KIF26B: variants seen among roughly 807,000 people sequenced by gnomAD.
KIF26B encodes the protein kinesin-like protein KIF26B.
A neutral mutation model predicts 151.2 loss-of-function variants in KIF26B; 63 were observed. That is an observed-to-expected ratio of 0.42 (90% CI 0.34 to 0.51). The LOEUF is 0.51. Among genes scored for constraint, KIF26B ranks in the 20% least tolerant of loss-of-function variants. KIF26B has a pLI of 0.07. For synonymous variants in KIF26B, 1,357 were observed against 1,262.1 expected (o/e 1.08, Z -1.59); for missense variants, 2,813 against 2,913.6 (o/e 0.97, Z 0.79).
chr1:245,705,018 G>A lies in KIF26B; in HGVS notation c.*2412G>A, dbSNP rs1433714581. 6.6e-6 allele frequency: 1 copy of A among 152,256 alleles called. No homozygotes were observed. The highest frequency in any genetic ancestry group is 1.9e-4 in the East Asian group (1 of 5,204). 9.4% of individuals were successfully genotyped at this position (152,256 alleles called of 1,614,324 possible). On this transcript the variant is annotated 3_prime_UTR_variant, in exon 15 of 15. Transcript: ENST00000407071. ...CTGCCTTCCTTTAGCCAGTGACAGA[G>A]CCTGGTGCCCTTCCTGGACTGAAAC...
At chr1:245,369,507 T>G (rs1673055283) in intron 3 of KIF26B, among the ~76,000 whole-genome samples, 1 of 152,244 alleles carries the variant, frequency 6.6e-6, no homozygotes, top group South Asian at 2.1e-4. Flanking sequence ...TTCACTTAAC[T>G]GGGTGCTTTC....
In KIF26B at chr1:245,564,326, C is replaced by A. The variant is rs570519030; in HGVS notation, c.1350+23376C>A. On this transcript the variant is annotated intron_variant, in intron 5 of 14. Coordinates refer to ENST00000407071, the MANE Select transcript of KIF26B (RefSeq NM_018012.4). This position sits in a 1 kb window ranked among gnomAD's most constrained non-coding sequence, Gnocchi z 4.6. ...CTCTTCAGTTTGTTCCTATCTCTGC[C>A]GGGATCTATATGTTCTGGACTCTCT... 5.9e-5 allele frequency among the ~76,000 whole-genome samples: 9 copies of A among 152,126 alleles called. No individual in the cohort carries two copies. Among genetic ancestry groups the A allele is most frequent in the Non-Finnish European group, 1.3e-4 (9 of 68,026 alleles).
At chr1:245,188,235 G>A (rs756956729) in intron 2 of KIF26B, among the ~76,000 whole-genome samples, 10 of 127,878 alleles carry the variant, frequency 7.8e-5, no homozygotes, top group Admixed American at 7.1e-4. Context: ...AGCCTGGATC[G>A]CACCATTGCA....
chr1:245,225,555 T>G (rs999642954), intron 2 of KIF26B, among the ~76,000 whole-genome samples: 1 of 152,034 alleles, frequency 6.6e-6, no homozygotes, highest in Non-Finnish European at 1.5e-5. Flanking sequence ...CTGTTGGGAG[T>G]CAGTGACTCC....
chr1:245,680,796 G>C (rs553752960), intron 10 of KIF26B, among the ~76,000 whole-genome samples: 19 of 152,348 alleles, frequency 1.2e-4, no homozygotes, highest in South Asian at 4.1e-4. Context: ...GGGCAGAGGG[G>C]TGAAGATACT....
At chr1:245,190,194 A>G (rs1166535172) in intron 2 of KIF26B, among the ~76,000 whole-genome samples, 1 of 152,158 alleles carries the variant, frequency 6.6e-6, no homozygotes, top group African/African-American at 2.4e-5. Flanking sequence ...GCATGTGGGA[A>G]TTAAGGGAGC....
intron 2 of KIF26B, among the ~76,000 whole-genome samples, chr1:245,311,908 C>A (rs550549528): frequency 6.6e-6 from 1 of 152,144 alleles, no homozygotes; most frequent in African/African-American, 2.4e-5. Flanking sequence ...GCAGCCTGGG[C>A]GACAGAGCAA....
intron 2 of KIF26B, among the ~76,000 whole-genome samples, chr1:245,188,281 C>CAAAAAAAAA: frequency 1.3e-5 from 1 of 79,506 alleles, no homozygotes; most frequent in Non-Finnish European, 2.3e-5. Context: ...ACTCCATCTC[C>CAAAAAAAAA]AAAAAAAAAA....
intron 2 of KIF26B, among the ~76,000 whole-genome samples, chr1:245,331,569 C>T (rs1016389621): frequency 6.6e-6 from 1 of 152,092 alleles, no homozygotes; most frequent in African/African-American, 2.4e-5. Flanking sequence ...GATAGGATTT[C>T]CAGGGAGCGT....
At position 245,354,339 on chromosome 1, in the gene KIF26B, C is replaced by T. The variant is rs1038398591; in HGVS notation, c.466-12495C>T. 2.6e-5 allele frequency among the ~76,000 whole-genome samples: 4 copies of T among 152,272 alleles called. No individual in the cohort carries two copies. The South Asian group carries it at 6.2e-4, about 24-fold the overall frequency. ...TGAAGTGATTTCATAGTAAAAGCCACCTCAGCCGTCCCCTCTGAAACCCAG... is the reference window on the plus strand; with the variant it reads ...TGAAGTGATTTCATAGTAAAAGCCATCTCAGCCGTCCCCTCTGAAACCCAG... On this transcript the variant is annotated intron_variant, in intron 2 of 14. Transcript: ENST00000407071.
chr1:245,402,962 C>T (rs906132537), intron 3 of KIF26B, among the ~76,000 whole-genome samples: 10 of 152,066 alleles, frequency 6.6e-5, no homozygotes, highest in Admixed American at 4.6e-4. Context: ...AGACAGCTGG[C>T]TTGTTGTATT....
intron 2 of KIF26B, among the ~76,000 whole-genome samples, chr1:245,264,970 C>T (rs1345906298): frequency 7.3e-4 from 110 of 151,410 alleles, no homozygotes; most frequent in Non-Finnish European, 9.0e-4. Context: ...GAGGCCGAGG[C>T]GGGCAGATCA....
At chr1:245,683,088 C>T (rs2044460933) in intron 10 of KIF26B, among the ~76,000 whole-genome samples, 1 of 152,296 alleles carries the variant, frequency 6.6e-6, no homozygotes, top group South Asian at 2.1e-4. Flanking sequence ...GCTCTTACCC[C>T]ACAGTCTTCC....
chr1:245,655,776 G>A (rs1315734466), intron 10 of KIF26B, among the ~76,000 whole-genome samples: 1 of 152,370 alleles, frequency 6.6e-6, no homozygotes, highest in African/African-American at 2.4e-5. Context: ...GAGGTGGTAT[G>A]TTTTTAATGC....
intron 2 of KIF26B, among the ~76,000 whole-genome samples, chr1:245,288,162 G>A (rs1292563644): frequency 6.6e-6 from 1 of 152,094 alleles, no homozygotes; most frequent in African/African-American, 2.4e-5. Context: ...GAGTCCATCT[G>A]CTCTGAATAC....
chr1:245,655,553 C>T (rs1259440400), intron 10 of KIF26B, among the ~76,000 whole-genome samples: 2 of 152,116 alleles, frequency 1.3e-5, no homozygotes, highest in African/African-American at 2.4e-5. Context: ...AGGCTCTGCA[C>T]GAAAGTGAAG....
intron 4 of KIF26B, among the ~76,000 whole-genome samples, chr1:245,513,264 G>A (rs963664046): frequency 4.8e-5 from 7 of 146,664 alleles, no homozygotes; most frequent in Middle Eastern, 3.4e-3. Flanking sequence ...GTGGAGGACC[G>A]AGAGTGCTTT....
chr1:245,503,282 G>A (rs966869586), intron 4 of KIF26B, among the ~76,000 whole-genome samples: 11 of 152,126 alleles, frequency 7.2e-5, no homozygotes, highest in African/African-American at 2.7e-4. Context: ...TTTATGTATG[G>A]ATTTTCATAT....
chr1:245,248,844 C>T (rs1255199466), intron 2 of KIF26B, among the ~76,000 whole-genome samples: 2 of 152,202 alleles, frequency 1.3e-5, no homozygotes, highest in Non-Finnish European at 2.9e-5. Flanking sequence ...GTAAATCAGT[C>T]TGTACCTCCG....
Sources: allele counts gnomAD v4.1 joint callset (sites outside exome capture counted in the v4.1 genomes callset), GRCh38; gene constraint gnomAD v4.1.1; non-coding constraint Gnocchi (gnomAD v3.1); transcripts MANE v1.5; gene names NCBI Gene and HGNC (gene_info 2026-07-23, HGNC 2026-07-21).